Variants in EPHA2 observed in about 807,000 individuals in gnomAD.
The protein encoded by EPHA2 is ephrin type-A receptor 2.
In EPHA2, 54 loss-of-function variants were observed where a neutral mutation model predicts 104.9. That is an observed-to-expected ratio of 0.51 (90% CI 0.41 to 0.65). The LOEUF (loss-of-function observed/expected upper bound fraction) is 0.65, where lower values mean the gene tolerates loss of function less well. Ranked by LOEUF, EPHA2 falls within the 30% of genes least tolerant of loss-of-function variation. EPHA2 has a pLI of 0.00. For synonymous variants in EPHA2, 560 were observed against 559.1 expected (o/e 1.00, Z -0.02); for missense variants, 1,117 against 1,369.5 (o/e 0.82, Z 2.91).
chr1:16,136,746 G>GAAT (rs1348436001), intron 5 of EPHA2, among the ~76,000 whole-genome samples: 1 of 144,600 alleles, frequency 6.9e-6, no homozygotes, highest in Non-Finnish European at 1.5e-5. Flanking sequence ...AGAAGAAGAA[G>GAAT]AAGAAGAAGA....
chr1:16,155,820 C>A, intron 1 of EPHA2, 28 bp downstream of exon 1: 1 of 1,391,754 alleles, frequency 7.2e-7, no homozygotes, highest in South Asian at 1.6e-5. Context: ...GCCCGGGGGC[C>A]AGGGGTCCAG....
At chr1:16,137,246 T>A (rs1189808354) in intron 5 of EPHA2, among the ~76,000 whole-genome samples, 1 of 151,258 alleles carries the variant, frequency 6.6e-6, no homozygotes, top group South Asian at 2.1e-4. Flanking sequence ...AATGGAAGAA[T>A]GGTCTTGGGC....
intron 1 of EPHA2, chr1:16,153,206 G>T (rs2025076970): frequency 8.1e-6 from 8 of 985,122 alleles, no homozygotes; most frequent in Non-Finnish European, 9.6e-6. Flanking sequence ...GGTCCACATT[G>T]CTCCACAGCT....
chr1:16,130,201 C>T lies in EPHA2; in HGVS notation c.2669+25G>A. On this transcript the variant is annotated intron_variant, in intron 15 of 16. Transcript: ENST00000358432. The surrounding 1 kb of genome is among the most constrained non-coding windows in gnomAD (Gnocchi z 4.5). ...TCTGCAGAAGGAAAATTGAGGTCAT[C>T]ATGGGCAGAGGGCATAGAACTCACC... The T allele has an allele frequency of 6.2e-7, 1 of 1,614,042 alleles. No homozygotes were observed. The highest frequency in any genetic ancestry group is 1.3e-5 in the African/African-American group (1 of 75,064).
At position 16,125,176 on chromosome 1, in the gene EPHA2, A is replaced by C; in HGVS notation, c.*39T>G. ...GCAGGGAGGCCACTCTGTTTCTTCA[A>C]GTATTCTTGGCCGATGGGGCTCCAG... On this transcript the variant is annotated 3_prime_UTR_variant, in exon 17 of 17. Coordinates refer to ENST00000358432, the MANE Select transcript of EPHA2 (RefSeq NM_004431.5). This position sits in a 1 kb window ranked among gnomAD's most constrained non-coding sequence, Gnocchi z 4.9. 6.3e-7 allele frequency: 1 copy of C among 1,586,528 alleles called. No individual in the cohort carries two copies. Among genetic ancestry groups the C allele is most frequent in the Non-Finnish European group, 8.6e-7 (1 of 1,158,024 alleles).
At position 16,150,870 on chromosome 1, in the gene EPHA2, T is replaced by G; in HGVS notation, c.153+26A>C. ...GGACCAGCAGCCCCATTCTCACACC[T>G]CTCCCCACCCCGAAGGCTTACATAC... On this transcript the variant is annotated intron_variant, in intron 2 of 16. Transcript: ENST00000358432. The surrounding 1 kb of genome is among the most constrained non-coding windows in gnomAD (Gnocchi z 4.8). The G allele has an allele frequency of 6.2e-7, 1 of 1,613,750 alleles. No individual in the cohort carries two copies. The highest frequency in any genetic ancestry group is 1.1e-5 in the South Asian group (1 of 91,064).
intron 3 of EPHA2, among the ~76,000 whole-genome samples, chr1:16,146,661 C>T (rs988217210): frequency 5.9e-5 from 9 of 152,120 alleles, no homozygotes; most frequent in South Asian, 2.1e-4. Context: ...TGGCATGGGC[C>T]GGAGCAGAGC....
Position 16,125,731 on chromosome 1 carries a change from G to A in EPHA2, c.2826-411C>T, listed in dbSNP as rs1045668915. Among the ~76,000 whole-genome samples the A allele has an allele frequency of 1.3e-5, 2 of 152,140 alleles. No homozygotes were observed. Among genetic ancestry groups the A allele is most frequent in the Non-Finnish European group, 1.5e-5 (1 of 68,014 alleles). ...AGTCACACAGCTAGGAGGTGGAAGAGCTGGGAATCAAACCAGCTATGAACA... is the reference window on the plus strand; with the variant it reads ...AGTCACACAGCTAGGAGGTGGAAGAACTGGGAATCAAACCAGCTATGAACA... On this transcript the variant is annotated intron_variant, in intron 16 of 16. Transcript: ENST00000358432. The surrounding 1 kb of genome is among the most constrained non-coding windows in gnomAD (Gnocchi z 4.9).
intron 1 of EPHA2, among the ~76,000 whole-genome samples, chr1:16,154,756 C>CA (rs558609049): frequency 0.73 from 49,790 of 67,826 alleles, 19,233 homozygotes; most frequent in Non-Finnish European, 0.86. Flanking sequence ...AACTCCGTCT[C>CA]AAAAAAAAAA....
chr1:16,144,351 C>A (rs995586226), intron 3 of EPHA2, among the ~76,000 whole-genome samples: 25 of 152,150 alleles, frequency 1.6e-4, no homozygotes, highest in Non-Finnish European at 2.4e-4. Flanking sequence ...CAGCAGGGGA[C>A]AAAGCCTGCG....
chr1:16,135,186 C>CTCCCTG lies in EPHA2; in HGVS notation c.1429-3_1431dup (p.Gly477_Asp478insGlnGly). 6.2e-7 allele frequency: 1 copy of CTCCCTG among 1,613,740 alleles called. No homozygotes were observed. The highest frequency in any genetic ancestry group is 8.5e-7 in the Non-Finnish European group (1 of 1,179,924). On this transcript the variant is annotated inframe_insertion, in exon 7 of 17. Transcript: ENST00000358432. The surrounding 1 kb of genome is among the most constrained non-coding windows in gnomAD (Gnocchi z 4.3). ...CGGCGCACATTGTAGCTGTTGGAGT[C>CTCCCTG]TCCCTGTGGGTGGGTGGCCGGCGGA...
intron 16 of EPHA2, among the ~76,000 whole-genome samples, chr1:16,127,835 CTCCA>C (rs2124188724): frequency 6.6e-6 from 1 of 152,312 alleles, no homozygotes; most frequent in East Asian, 1.9e-4. Context: ...CACACACAGC[CTCCA>C]TCCATCCAAG....
At chr1:16,149,809 C>G (rs958460268) in intron 2 of EPHA2, among the ~76,000 whole-genome samples, 2 of 152,220 alleles carry the variant, frequency 1.3e-5, no homozygotes, top group Admixed American at 1.3e-4. Flanking sequence ...CTGAGCTCCT[C>G]AGCCAGAGTC....
chr1:16,137,785 A>T, intron 5 of EPHA2, 68 bp downstream of exon 5: 1 of 1,587,502 alleles, frequency 6.3e-7, no homozygotes, highest in Admixed American at 1.7e-5. Flanking sequence ...CGAGCCCCAG[A>T]TGGCCGTCCT....
intron 5 of EPHA2, among the ~76,000 whole-genome samples, chr1:16,136,496 G>A (rs1464215147): frequency 4.6e-4 from 70 of 150,836 alleles, no homozygotes; most frequent in African/African-American, 1.5e-3. Flanking sequence ...GCGCATGCCT[G>A]TAATCCCAGC....
rs182831410 is a variant in EPHA2, at chr1:16,128,324, G to A, written c.2825+1110C>T. 8.5e-5 allele frequency among the ~76,000 whole-genome samples: 13 copies of A among 152,268 alleles called. No individual in the cohort carries two copies. Among genetic ancestry groups the A allele is most frequent in the African/African-American group, 2.9e-4 (12 of 41,558 alleles). On this transcript the variant is annotated intron_variant, in intron 16 of 16. Transcript: ENST00000358432. This position sits in a 1 kb window ranked among gnomAD's most constrained non-coding sequence, Gnocchi z 4.7. ...CCATCTCCCCTCCCTACGTGTCCCCGCCTCCCCTCTGGTCGGCTCTGTTCC... is the reference window on the plus strand; with the variant it reads ...CCATCTCCCCTCCCTACGTGTCCCCACCTCCCCTCTGGTCGGCTCTGTTCC...
In EPHA2 at chr1:16,134,653, T is replaced by G; in HGVS notation, c.1583-86A>C. On this transcript the variant is annotated intron_variant, in intron 7 of 16. Transcript: ENST00000358432. The surrounding 1 kb of genome is among the most constrained non-coding windows in gnomAD (Gnocchi z 4.5). ...GCTGCACCCAAGACACCTGGGCCCC[T>G]ACTGTGTGCTGGGTGCTTGCACTTG... 3 of 1,379,890 alleles carry G rather than the reference T, an allele frequency of 2.2e-6. No individual in the cohort carries two copies. The highest frequency in any genetic ancestry group is 3.0e-6 in the Non-Finnish European group (3 of 986,616). The allele number at this position is 1,379,890 out of a possible 1,614,324, so 85.5% of individuals were successfully genotyped here.
In EPHA2 at chr1:16,125,351, A is replaced by C; in HGVS notation, c.2826-31T>G. 1 of 292,614 alleles carries C rather than the reference A, an allele frequency of 3.4e-6. No homozygotes were observed. 18.1% of individuals were successfully genotyped at this position (292,614 alleles called of 1,614,324 possible). A position where few individuals can be genotyped will look rare whatever the true frequency, so the allele number is the denominator to read the frequency against. ...GGCCGGGAGGGAGAGAGGGAGAGTT[A>C]GGGGCTGGAGCAGGGGAGGGGGCCG... is the stretch of plus-strand genomic sequence containing the variant. On this transcript the variant is annotated intron_variant, in intron 16 of 16. Coordinates refer to ENST00000358432, the MANE Select transcript of EPHA2 (RefSeq NM_004431.5). The surrounding 1 kb of genome is among the most constrained non-coding windows in gnomAD (Gnocchi z 4.9).
chr1:16,155,819 C>A (rs2124282848), intron 1 of EPHA2, 29 bp downstream of exon 1: 1 of 1,389,392 alleles, frequency 7.2e-7, no homozygotes, highest in Non-Finnish European at 9.3e-7. Context: ...GGCCCGGGGG[C>A]CAGGGGTCCA....
Sources: allele counts gnomAD v4.1 joint callset (sites outside exome capture counted in the v4.1 genomes callset), GRCh38; gene constraint gnomAD v4.1.1; non-coding constraint Gnocchi (gnomAD v3.1); transcripts MANE v1.5; gene names NCBI Gene and HGNC (gene_info 2026-07-23, HGNC 2026-07-21).